Variants in AK5 observed in about 807,000 individuals in gnomAD.
AK5 encodes adenylate kinase isoenzyme 5.
AK5 carries 27 observed loss-of-function variants against 69.5 expected under a neutral mutation model. The observed-to-expected ratio is 0.39, with a 90% confidence interval of 0.29 to 0.54. AK5 has a LOEUF of 0.54. Among genes scored for constraint, AK5 ranks in the 20% least tolerant of loss-of-function variants. The pLI, the probability that AK5 is intolerant of heterozygous loss-of-function variation, is 0.71. For synonymous variants in AK5, 260 were observed against 244.4 expected, an observed-to-expected ratio of 1.06 and a Z score of -0.60; for missense variants, 531 against 700.4, an observed-to-expected ratio of 0.76 and a Z score of 2.73.
At chr1:77,367,839 A>ATATGTTATATATAATATATGT (rs1647017187) in intron 6 of AK5, among the ~76,000 whole-genome samples, 1 of 1,056 alleles carries the variant, frequency 9.5e-4, no homozygotes. Context: ...AATATATGTT[A>ATATGTTATATATAATATATGT]TATATATTAT....
At chr1:77,529,530 GGTCAGGCTA>G (rs1481649865) in intron 12 of AK5, among the ~76,000 whole-genome samples, 1 of 152,042 alleles carries the variant, frequency 6.6e-6, no homozygotes, top group East Asian at 1.9e-4. Flanking sequence ...TCACCATGTT[GGTCAGGCTA>G]GTCTTGAACT....
At chr1:77,348,424 TA>T (rs1200526275) in intron 6 of AK5, among the ~76,000 whole-genome samples, 1 of 152,190 alleles carries the variant, frequency 6.6e-6, no homozygotes, top group Non-Finnish European at 1.5e-5. Context: ...CATCATTTTT[TA>T]TGGCTGCATA....
intron 6 of AK5, among the ~76,000 whole-genome samples, chr1:77,380,811 C>T (rs781359518): frequency 1.3e-5 from 2 of 152,094 alleles, no homozygotes; most frequent in Non-Finnish European, 2.9e-5. Flanking sequence ...TGAGCTGAGT[C>T]ATGAAGGGAA....
intron 13 of AK5, among the ~76,000 whole-genome samples, chr1:77,556,418 C>G (rs1042622671): frequency 2.0e-5 from 3 of 152,188 alleles, no homozygotes; most frequent in African/African-American, 7.2e-5. Flanking sequence ...TTGAGACTGG[C>G]TTGTGTCTCT....
intron 6 of AK5, among the ~76,000 whole-genome samples, chr1:77,373,389 A>G (rs921177359): frequency 6.6e-6 from 1 of 152,166 alleles, no homozygotes; most frequent in African/African-American, 2.4e-5. Context: ...TATTAATAGT[A>G]ATACAGTAAT....
At chr1:77,431,920 G>A (rs1259650868) in intron 8 of AK5, among the ~76,000 whole-genome samples, 1 of 152,206 alleles carries the variant, frequency 6.6e-6, no homozygotes, top group Non-Finnish European at 1.5e-5. Flanking sequence ...TCCAAGTTTG[G>A]AAAGGCAATT....
intron 13 of AK5, among the ~76,000 whole-genome samples, chr1:77,557,632 T>G (rs1041620479): frequency 1.3e-5 from 2 of 152,078 alleles, no homozygotes; most frequent in African/African-American, 4.8e-5. Flanking sequence ...GGTCCTAGTC[T>G]TTTGCTTTCT....
intron 8 of AK5, among the ~76,000 whole-genome samples, chr1:77,470,875 A>AT (rs149758544): frequency 8.0e-5 from 6 of 74,968 alleles, no homozygotes; most frequent in African/African-American, 4.0e-4. Context: ...ATATATATAT[A>AT]TTTTTTTTTT....
chr1:77,284,395 T>G (rs1658233454), intron 1 of AK5, among the ~76,000 whole-genome samples: 1 of 152,236 alleles, frequency 6.6e-6, no homozygotes. Flanking sequence ...TGGCCCCAGC[T>G]GTGGATTTTA....
intron 10 of AK5, among the ~76,000 whole-genome samples, chr1:77,503,089 C>T (rs946136577): frequency 1.3e-5 from 2 of 152,166 alleles, no homozygotes; most frequent in Admixed American, 1.3e-4. Context: ...AATATTTAGG[C>T]ATTTCTGTCT....
intron 6 of AK5, chr1:77,346,165 G>T (rs1452203538): frequency 7.9e-5 from 12 of 152,200 alleles, no homozygotes; most frequent in Admixed American, 7.9e-4. Context: ...AAGAGGGGTT[G>T]GTGCTTCTGT....
At position 77,339,367 on chromosome 1, in the gene AK5, G is replaced by A. The variant is rs145317967; in HGVS notation, c.700-1010G>A. On this transcript the variant is annotated intron_variant, in intron 5 of 13. Transcript: ENST00000354567. ...GTGCTATGTTTTAAATGCAATGCTA[G>A]TTCTAATTTAGTTAAATAGAAACTT... Among the ~76,000 whole-genome samples, 152 of 152,296 alleles carry A rather than the reference G, an allele frequency of 1.0e-3. 1 individual carries two copies. Among genetic ancestry groups the A allele is most frequent in the African/African-American group, 3.5e-3 (146 of 41,568 alleles).
rs546043193 is a variant in AK5, at chr1:77,551,019, A to G, written c.1621-7583A>G. On this transcript the variant is annotated intron_variant, in intron 13 of 13. Transcript: ENST00000354567. ...TGGTGAAACCCCGTCTCTACTAAAA[A>G]TACAAAAATTAGCTGGACGTGGTGG... 8.5e-5 allele frequency among the ~76,000 whole-genome samples: 13 copies of G among 152,332 alleles called. No homozygotes were observed. The South Asian group carries it at 2.7e-3, about 32-fold the overall frequency.
intron 8 of AK5, among the ~76,000 whole-genome samples, chr1:77,423,239 A>AAAAAAAG (rs1352691974): frequency 3.4e-5 from 5 of 148,370 alleles, no homozygotes; most frequent in Admixed American, 6.8e-5. Flanking sequence ...AATAAAAAAA[A>AAAAAAAG]AAGAAGAACT....
intron 6 of AK5, among the ~76,000 whole-genome samples, chr1:77,387,477 C>A (rs1305925688): frequency 6.6e-6 from 1 of 152,190 alleles, no homozygotes; most frequent in East Asian, 1.9e-4. Context: ...ACCACTATTA[C>A]TACTAAGTTG....
At chr1:77,367,629 T>C (rs1646991847) in intron 6 of AK5, among the ~76,000 whole-genome samples, 1 of 100,366 alleles carries the variant, frequency 1.0e-5, no homozygotes, top group African/African-American at 3.9e-5. Context: ...GTTATATATG[T>C]AATATATATG....
At chr1:77,359,028 G>C (rs1646803634) in intron 6 of AK5, among the ~76,000 whole-genome samples, 1 of 151,992 alleles carries the variant, frequency 6.6e-6, no homozygotes, top group Non-Finnish European at 1.5e-5. Flanking sequence ...GGCTGAGGCG[G>C]GCGGATCACG....
chr1:77,426,171 A>G (rs1369139768), intron 8 of AK5, among the ~76,000 whole-genome samples: 2 of 152,210 alleles, frequency 1.3e-5, no homozygotes, highest in East Asian at 3.8e-4. Context: ...AAGCACACCT[A>G]TCAAATGACA....
chr1:77,348,318 T>C (rs2100403725), intron 6 of AK5, among the ~76,000 whole-genome samples: 1 of 152,346 alleles, frequency 6.6e-6, no homozygotes, highest in South Asian at 2.1e-4. Context: ...GTTCTCATTG[T>C]TCAATTCCCA....
Sources: gnomAD v4.1 joint callset for allele counts (sites outside exome capture counted in the v4.1 genomes callset) on GRCh38, gnomAD v4.1.1 for gene constraint, MANE v1.5 for transcripts, NCBI Gene and HGNC (gene_info 2026-07-23, HGNC 2026-07-21) for gene names.